UNC5D: variants seen among roughly 807,000 people sequenced by gnomAD.
UNC5D encodes the protein netrin receptor UNC5D.
In UNC5D, 39 loss-of-function variants were observed where a neutral mutation model predicts 105.4. The observed-to-expected ratio is 0.37, with a 90% confidence interval of 0.29 to 0.48. The LOEUF (loss-of-function observed/expected upper bound fraction) is 0.48, where lower values mean the gene tolerates loss of function less well. Among genes scored for constraint, UNC5D ranks in the 20% least tolerant of loss-of-function variants. The probability of loss-of-function intolerance (pLI) is 0.98; values close to 1 mark genes in which losing one functional copy is unlikely to be tolerated. For synonymous variants in UNC5D, 452 were observed against 450.4 expected, an observed-to-expected ratio of 1.00 and a Z score of -0.04; for missense variants, 991 against 1,202.4, an observed-to-expected ratio of 0.82 and a Z score of 2.60.
chr8:35,605,195 A>G (rs1820203816), intron 4 of UNC5D, among the ~76,000 whole-genome samples: 1 of 151,846 alleles, frequency 6.6e-6, no homozygotes, highest in South Asian at 2.1e-4. Flanking sequence ...TTGTTCTTTG[A>G]TGATGGTGAT....
intron 2 of UNC5D, among the ~76,000 whole-genome samples, chr8:35,553,863 A>C (rs1002912509): frequency 6.6e-6 from 1 of 152,210 alleles, no homozygotes; most frequent in Non-Finnish European, 1.5e-5. Context: ...GATTCGTAAA[A>C]TAATTCCTGC....
chr8:35,669,198 AT>A (rs1824615646), intron 4 of UNC5D, among the ~76,000 whole-genome samples: 1 of 152,160 alleles, frequency 6.6e-6, no homozygotes, highest in South Asian at 2.1e-4. Flanking sequence ...CCTTATGTGC[AT>A]TTCAAACTTA....
chr8:35,347,614 TTGAG>T (rs1554513897), intron 1 of UNC5D, among the ~76,000 whole-genome samples: 1 of 151,976 alleles, frequency 6.6e-6, no homozygotes, highest in Non-Finnish European at 1.5e-5. Context: ...TGGAAGGTAT[TTGAG>T]TGTCATCATA....
At position 35,796,429 on chromosome 8, in the gene UNC5D, C is replaced by CAAAAAAAA; in HGVS notation, c.*5882_*5889dup. ...GTTTGGATGTTTTATGTCGAGTTTG[C>CAAAAAAAA]AAAAAAAAAAAAAAAAAAAAAAACT... On this transcript the variant is annotated 3_prime_UTR_variant, in exon 17 of 17. Transcript: ENST00000404895. 1 of 61,788 alleles carries CAAAAAAAA rather than the reference C, an allele frequency of 1.6e-5. No individual in the cohort carries two copies. The highest frequency in any genetic ancestry group is 3.4e-5 in the Non-Finnish European group (1 of 29,282). The allele number at this position is 61,788 out of a possible 1,614,324, so 3.8% of individuals were successfully genotyped here.
intron 1 of UNC5D, among the ~76,000 whole-genome samples, chr8:35,392,186 C>T (rs1217012501): frequency 6.6e-6 from 1 of 152,078 alleles, no homozygotes; most frequent in Admixed American, 6.6e-5. Context: ...AGAGGTTGCC[C>T]ATGTTCCTTG....
chr8:35,488,698 T>G (rs1178852758), intron 1 of UNC5D, among the ~76,000 whole-genome samples: 1 of 152,212 alleles, frequency 6.6e-6, no homozygotes, highest in African/African-American at 2.4e-5. Flanking sequence ...ATATTCTGCT[T>G]TCCTGTTTGG....
At chr8:35,727,974 C>T (rs1200308746) in intron 10 of UNC5D, 1 of 148,776 alleles carries the variant, frequency 6.7e-6, no homozygotes, top group Non-Finnish European at 1.5e-5. Flanking sequence ...TAGTGGCACA[C>T]ACCTGTAGTC....
At chr8:35,510,571 G>A (rs1400021104) in intron 1 of UNC5D, among the ~76,000 whole-genome samples, 2 of 152,068 alleles carry the variant, frequency 1.3e-5, no homozygotes, top group Non-Finnish European at 2.9e-5. Context: ...GCCTCATGAG[G>A]TGGCCCTGAG....
chr8:35,392,679 T>C (rs2128942173), intron 1 of UNC5D, among the ~76,000 whole-genome samples: 1 of 152,324 alleles, frequency 6.6e-6, no homozygotes, highest in East Asian at 1.9e-4. Context: ...CAAAGTCCCT[T>C]TTGCCATATA....
Position 35,321,510 on chromosome 8 carries a change from G to A in UNC5D, c.103+85623G>A, listed in dbSNP as rs138946695. On this transcript the variant is annotated intron_variant, in intron 1 of 16. Coordinates refer to ENST00000404895, the MANE Select transcript of UNC5D (RefSeq NM_080872.4). ...GGAGGAGGTGTCTTGCTTCCCCTTT[G>A]CCTTCCACACCGATTGTAAGTTTCA... Among the ~76,000 whole-genome samples, 14 of 152,160 alleles carry A rather than the reference G, an allele frequency of 9.2e-5. No individual in the cohort carries two copies. The East Asian group carries it at 2.7e-3, about 30-fold the overall frequency.
intron 1 of UNC5D, among the ~76,000 whole-genome samples, chr8:35,331,162 A>G (rs549511762): frequency 6.6e-6 from 1 of 152,284 alleles, no homozygotes; most frequent in Non-Finnish European, 1.5e-5. Context: ...GAGATGAGAG[A>G]TTAATTCACG....
At chr8:35,756,397 T>G (rs1830519792) in intron 13 of UNC5D, among the ~76,000 whole-genome samples, 1 of 151,948 alleles carries the variant, frequency 6.6e-6, no homozygotes. Flanking sequence ...ATTCTTAATA[T>G]TATCCATTCT....
intron 1 of UNC5D, among the ~76,000 whole-genome samples, chr8:35,376,950 A>G (rs1329066829): frequency 6.6e-6 from 1 of 151,810 alleles, no homozygotes; most frequent in Non-Finnish European, 1.5e-5. Context: ...CTCATAGTGC[A>G]CTCCTTCCTC....
At position 35,371,581 on chromosome 8, in the gene UNC5D, T is replaced by TG. The variant is rs1802431526; in HGVS notation, c.103+135694_103+135695insG. ...GGGAAGGACTTGGCTGAGGACCTAT[T>TG]TTTTTCCTGATTTGGTAAGAAGAAC... is the stretch of plus-strand genomic sequence containing the variant. On this transcript the variant is annotated intron_variant, in intron 1 of 16. Coordinates refer to ENST00000404895, the MANE Select transcript of UNC5D (RefSeq NM_080872.4). 7.2e-5 allele frequency among the ~76,000 whole-genome samples: 11 copies of TG among 152,224 alleles called. 2 individuals are homozygous for TG. The South Asian group carries it at 2.1e-3, about 29-fold the overall frequency.
Position 35,791,090 on chromosome 8 carries a change from A to T in UNC5D, c.*527A>T. ...AACAACGTCAAGGAGGGCATTTAGA[A>T]TTTAGAATCTGAGCACATCACACCA... On this transcript the variant is annotated 3_prime_UTR_variant, in exon 17 of 17. Transcript: ENST00000404895. The T allele has an allele frequency of 1.1e-5, 2 of 178,018 alleles. No individual in the cohort carries two copies. The highest frequency in any genetic ancestry group is 1.3e-4 in the South Asian group (1 of 7,790). The allele number at this position is 178,018 out of a possible 1,614,324, so 11.0% of individuals were successfully genotyped here. A position where few individuals can be genotyped will look rare whatever the true frequency, so the allele number is the denominator to read the frequency against.
chr8:35,361,225 G>T (rs1585667221), intron 1 of UNC5D, among the ~76,000 whole-genome samples: 1 of 152,168 alleles, frequency 6.6e-6, no homozygotes, highest in Non-Finnish European at 1.5e-5. Flanking sequence ...TCTGGGCTCT[G>T]TTCCAGTTTA....
At chr8:35,313,524 A>G (rs1809055616) in intron 1 of UNC5D, among the ~76,000 whole-genome samples, 1 of 152,210 alleles carries the variant, frequency 6.6e-6, no homozygotes, top group Non-Finnish European at 1.5e-5. Context: ...AGCCAGAGAT[A>G]GGCAGACTCT....
At chr8:35,334,949 C>T (rs955321498) in intron 1 of UNC5D, among the ~76,000 whole-genome samples, 60 of 152,304 alleles carry the variant, frequency 3.9e-4, no homozygotes, top group African/African-American at 1.3e-3. Flanking sequence ...AGTTCCATCC[C>T]TAGTCTTTAC....
chr8:35,551,624 C>A (rs975080597), intron 2 of UNC5D, among the ~76,000 whole-genome samples: 2 of 151,950 alleles, frequency 1.3e-5, no homozygotes, highest in Non-Finnish European at 2.9e-5. Context: ...TTGAGCCCAG[C>A]CTGGCCAATA....
Sources: gnomAD v4.1 joint callset for allele counts (sites outside exome capture counted in the v4.1 genomes callset) on GRCh38, gnomAD v4.1.1 for gene constraint, MANE v1.5 for transcripts, NCBI Gene and HGNC (gene_info 2026-07-23, HGNC 2026-07-21) for gene names.